CSNK1G1: variants seen among roughly 807,000 people sequenced by gnomAD.
CSNK1G1 encodes the protein casein kinase I isoform gamma-1.
Under a neutral mutation model 59.6 loss-of-function variants are expected in CSNK1G1, and 22 were observed. The ratio of observed to expected loss-of-function variants is 0.37; its 90% CI spans 0.26 to 0.53. The LOEUF (loss-of-function observed/expected upper bound fraction) is 0.53, where lower values mean the gene tolerates loss of function less well. Ranked by LOEUF, CSNK1G1 falls within the 20% of genes least tolerant of loss-of-function variation. The pLI, the probability that CSNK1G1 is intolerant of heterozygous loss-of-function variation, is 0.89. For missense variants in CSNK1G1, 384 were observed against 519.5 expected, an observed-to-expected ratio of 0.74 and a Z score of 2.54; for synonymous variants, 179 against 177.1, an observed-to-expected ratio of 1.01 and a Z score of -0.08.
intron 4 of CSNK1G1, among the ~76,000 whole-genome samples, chr15:64,224,804 A>G (rs1370731888): frequency 1.3e-5 from 2 of 152,112 alleles, no homozygotes; most frequent in Non-Finnish European, 2.9e-5. Flanking sequence ...GGAAAGGCAA[A>G]AGAAGAGGAA....
rs573747679 is a variant in CSNK1G1 at position 64,179,959 on chromosome 15, T to C, written c.1214+389A>G. The C allele has an allele frequency of 7.6e-5, 13 of 171,630 alleles. No homozygotes were observed. In the East Asian group the frequency reaches 1.9e-3, roughly 25 times the overall value. 10.6% of individuals were successfully genotyped at this position (171,630 alleles called of 1,614,324 possible). On this transcript the variant is annotated intron_variant, in intron 11 of 11. Transcript: ENST00000303052. ...CTTGTTCCATGATTGTACATCCAGT[T>C]GCTAGCCCACAATCAGAAATCGAAT...
At chr15:64,276,654 A>G (rs1439381765) in intron 2 of CSNK1G1, among the ~76,000 whole-genome samples, 3 of 152,108 alleles carry the variant, frequency 2.0e-5, no homozygotes, top group African/African-American at 7.2e-5. Context: ...TTGAAAAATA[A>G]AAGAGTTGAG....
intron 10 of CSNK1G1, among the ~76,000 whole-genome samples, chr15:64,190,855 T>G (rs540268158): frequency 2.2e-4 from 34 of 152,308 alleles, no homozygotes; most frequent in African/African-American, 6.5e-4. Context: ...GATAGACTTT[T>G]TCAGTTCTCT....
intron 1 of CSNK1G1, among the ~76,000 whole-genome samples, chr15:64,319,236 G>A (rs1161632912): frequency 6.6e-6 from 1 of 152,146 alleles, no homozygotes; most frequent in African/African-American, 2.4e-5. Context: ...AATTTACTGT[G>A]ATGCTGGATA....
In CSNK1G1 at chr15:64,216,228, AAAAAC is replaced by A. The variant is rs1166336515; in HGVS notation, c.444+329_444+333del. Among the ~76,000 whole-genome samples the A allele has an allele frequency of 6.6e-6, 1 of 152,166 alleles. No individual in the cohort carries two copies. Among genetic ancestry groups the A allele is most frequent in the Non-Finnish European group, 1.5e-5 (1 of 68,032 alleles). ...TGACAGAGACCCTGTCTCAAAAATG[AAAAAC>A]AAAACAAAACAAAATCAAATAAATT... is the stretch of plus-strand genomic sequence containing the variant. On this transcript the variant is annotated intron_variant, in intron 5 of 11. Transcript: ENST00000303052. This position sits in a 1 kb window ranked among gnomAD's most constrained non-coding sequence, Gnocchi z 4.6.
At chr15:64,233,308 G>T (rs1351611951) in intron 4 of CSNK1G1, among the ~76,000 whole-genome samples, 2 of 152,124 alleles carry the variant, frequency 1.3e-5, no homozygotes, top group African/African-American at 4.8e-5. Context: ...GTGTAAAATA[G>T]AAATGTTTTT....
chr15:64,349,389 C>G (rs923085883), intron 1 of CSNK1G1, among the ~76,000 whole-genome samples: 2 of 152,080 alleles, frequency 1.3e-5, no homozygotes, highest in African/African-American at 4.8e-5. Context: ...CTGGACAAGG[C>G]AAAAACTAAG....
intron 2 of CSNK1G1, among the ~76,000 whole-genome samples, chr15:64,276,083 A>G (rs1024888913): frequency 6.6e-6 from 1 of 152,212 alleles, no homozygotes; most frequent in Middle Eastern, 3.2e-3. Context: ...AAGTGAGGCT[A>G]CGTGGAGTGA....
intron 4 of CSNK1G1, among the ~76,000 whole-genome samples, chr15:64,239,274 ACT>A (rs1448940940): frequency 2.6e-5 from 4 of 152,168 alleles, no homozygotes; most frequent in African/African-American, 9.7e-5. Flanking sequence ...AAGAAGCATA[ACT>A]CTTTAGTAAT....
intron 2 of CSNK1G1, among the ~76,000 whole-genome samples, chr15:64,275,690 G>A (rs1893571251): frequency 6.6e-6 from 1 of 151,574 alleles, no homozygotes; most frequent in African/African-American, 2.4e-5. Context: ...TCCATTAGTG[G>A]GATATAAAGT....
intron 2 of CSNK1G1, among the ~76,000 whole-genome samples, chr15:64,292,162 A>G (rs1008715625): frequency 1.6e-4 from 24 of 151,596 alleles, no homozygotes; most frequent in Admixed American, 3.3e-4. Flanking sequence ...GTCAGCCAAG[A>G]TCGAGCCACT....
In CSNK1G1 at chr15:64,248,580, T is replaced by C. The variant is rs1380251081; in HGVS notation, c.292+2932A>G. On this transcript the variant is annotated intron_variant, in intron 4 of 11. Coordinates refer to ENST00000303052, the MANE Select transcript of CSNK1G1 (RefSeq NM_022048.5). ...CAGGGAGTGGGGAGAGTGGGACCAATATGCAATTACAATAAAAAAATAGTC... is the reference window on the plus strand; with the variant it reads ...CAGGGAGTGGGGAGAGTGGGACCAACATGCAATTACAATAAAAAAATAGTC... 4.6e-5 allele frequency among the ~76,000 whole-genome samples: 7 copies of C among 152,192 alleles called. No homozygotes were observed. The South Asian group carries it at 6.2e-4, about 14-fold the overall frequency.
intron 2 of CSNK1G1, among the ~76,000 whole-genome samples, chr15:64,261,727 G>A (rs1008974520): frequency 1.3e-5 from 2 of 152,036 alleles, no homozygotes; most frequent in South Asian, 4.2e-4. Context: ...GGTGGCTCAA[G>A]AGGTCAGGAG....
intron 7 of CSNK1G1, among the ~76,000 whole-genome samples, chr15:64,206,064 T>C (rs912351235): frequency 2.6e-5 from 4 of 152,228 alleles, no homozygotes; most frequent in African/African-American, 9.6e-5. Context: ...CCTAGCACTC[T>C]GGGAGACCTA....
At chr15:64,320,978 T>C (rs1016015359) in intron 1 of CSNK1G1, among the ~76,000 whole-genome samples, 3 of 150,854 alleles carry the variant, frequency 2.0e-5, no homozygotes, top group African/African-American at 7.4e-5. Context: ...CTGTTTAAGA[T>C]TAAAAAGTAT....
intron 2 of CSNK1G1, among the ~76,000 whole-genome samples, chr15:64,286,364 TTGTTAACA>T (rs1566934094): frequency 6.6e-6 from 1 of 151,418 alleles, no homozygotes; most frequent in African/African-American, 2.4e-5. Context: ...TAACATGTTA[TTGTTAACA>T]ATATTGTTAA....
chr15:64,313,870 C>CAA (rs11402033), intron 1 of CSNK1G1, among the ~76,000 whole-genome samples: 4,569 of 143,556 alleles, frequency 0.032, 211 homozygotes, highest in African/African-American at 0.1. Context: ...AGGTATATGG[C>CAA]AAAAAAAAAA....
In CSNK1G1 at chr15:64,176,709, A is replaced by C. The variant is rs562429721; in HGVS notation, c.1214+3639T>G. 2.0e-5 allele frequency among the ~76,000 whole-genome samples: 3 copies of C among 152,320 alleles called. No individual in the cohort carries two copies. The South Asian group carries it at 6.2e-4, about 32-fold the overall frequency. On this transcript the variant is annotated intron_variant, in intron 11 of 11. Coordinates refer to ENST00000303052, the MANE Select transcript of CSNK1G1 (RefSeq NM_022048.5). This position sits in a 1 kb window ranked among gnomAD's most constrained non-coding sequence, Gnocchi z 5.2. ...CTGTGCAATATTAAGCTAGCCTCTC[A>C]AATATTCTGAGGGAAAAAGAAAGTC...
chr15:64,354,876 C>T (rs1184686440), intron 1 of CSNK1G1, among the ~76,000 whole-genome samples: 1 of 152,180 alleles, frequency 6.6e-6, no homozygotes, highest in Non-Finnish European at 1.5e-5. Context: ...GATTTATCTG[C>T]CTGAAAGTCA....
Sources: allele counts gnomAD v4.1 joint callset (sites outside exome capture counted in the v4.1 genomes callset), GRCh38; gene constraint gnomAD v4.1.1; non-coding constraint Gnocchi (gnomAD v3.1); transcripts MANE v1.5; gene names NCBI Gene and HGNC (gene_info 2026-07-23, HGNC 2026-07-21).